SPATS2L: variants seen among roughly 807,000 people sequenced by gnomAD.
The protein encoded by SPATS2L is SPATS2-like protein.
Under a neutral mutation model 59.6 loss-of-function variants are expected in SPATS2L, and 30 were observed. That is an observed-to-expected ratio of 0.50 (90% CI 0.38 to 0.68). The LOEUF is 0.68. Ranked by LOEUF, SPATS2L falls within the 30% of genes least tolerant of loss-of-function variation. The pLI, the probability that SPATS2L is intolerant of heterozygous loss-of-function variation, is 0.00. For missense variants in SPATS2L, 615 were observed against 700.0 expected (o/e 0.88, Z 1.37); for synonymous variants, 252 against 263.5 (o/e 0.96, Z 0.42).
chr2:200,389,687 G>A (rs1359792729), intron 3 of SPATS2L: 1 of 163,110 alleles, frequency 6.1e-6, no homozygotes, highest in African/African-American at 2.4e-5. Context: ...CTAAGAGCAA[G>A]GGTATTATAT....
chr2:200,477,299 C>T (rs1187512762), intron 12 of SPATS2L, among the ~76,000 whole-genome samples: 1 of 152,086 alleles, frequency 6.6e-6, no homozygotes, highest in East Asian at 1.9e-4. Flanking sequence ...ATCATCATTA[C>T]TCTGCCCCTG....
At chr2:200,354,240 A>C (rs1193613077) in intron 2 of SPATS2L, among the ~76,000 whole-genome samples, 3 of 152,216 alleles carry the variant, frequency 2.0e-5, no homozygotes, top group Non-Finnish European at 2.9e-5. Flanking sequence ...TCATACAATG[A>C]GATGACTTTA....
chr2:200,458,204 G>A (rs922073205), intron 8 of SPATS2L, among the ~76,000 whole-genome samples: 2 of 152,074 alleles, frequency 1.3e-5, no homozygotes. Flanking sequence ...AGAATTCCAG[G>A]AAATAAGAAA....
At chr2:200,361,239 G>T (rs1413104733) in intron 2 of SPATS2L, among the ~76,000 whole-genome samples, 1 of 152,088 alleles carries the variant, frequency 6.6e-6, no homozygotes, top group Non-Finnish European at 1.5e-5. Context: ...AAAGTTTATT[G>T]CTTCTCATGT....
At chr2:200,468,427 A>ACACAGCTGC (rs2106222077) in intron 10 of SPATS2L, among the ~76,000 whole-genome samples, 1 of 147,154 alleles carries the variant, frequency 6.8e-6, no homozygotes, top group Non-Finnish European at 1.5e-5. Flanking sequence ...TGGTTGCAAG[A>ACACAGCTGC]CACAGCTGCT....
intron 8 of SPATS2L, among the ~76,000 whole-genome samples, chr2:200,451,839 T>TC (rs1259666305): frequency 2.6e-5 from 4 of 152,016 alleles, no homozygotes; most frequent in African/African-American, 9.7e-5. Flanking sequence ...TTTCTTTTCT[T>TC]TTTTTGGAAG....
Position 200,306,703 on chromosome 2 carries a change from G to C in SPATS2L, c.-292G>C, listed in dbSNP as rs1165943826. 1 of 984,638 alleles carries C rather than the reference G, an allele frequency of 1.0e-6. No individual in the cohort carries two copies. The highest frequency in any genetic ancestry group is 1.2e-6 in the Non-Finnish European group (1 of 829,696). The allele number at this position is 984,638 out of a possible 1,614,324, so 61.0% of individuals were successfully genotyped here. A position where few individuals can be genotyped will look rare whatever the true frequency, so the allele number is the denominator to read the frequency against. On this transcript the variant is annotated 5_prime_UTR_variant, in exon 1 of 13. Transcript: ENST00000409140. ...GGGCGGCCGAGCCGGAGTTGTGTCA[G>C]TGAAGGAATCCAGTCCGGGGGCCGA...
intron 1 of SPATS2L, among the ~76,000 whole-genome samples, chr2:200,325,982 A>C (rs1032118049): frequency 1.3e-5 from 2 of 152,170 alleles, no homozygotes; most frequent in Non-Finnish European, 2.9e-5. Context: ...TTCACCTCTC[A>C]CAGGCAAAAT....
chr2:200,316,817 C>T (rs1029944468), intron 1 of SPATS2L, among the ~76,000 whole-genome samples: 1 of 152,116 alleles, frequency 6.6e-6, no homozygotes, highest in Non-Finnish European at 1.5e-5. Context: ...TGAGAACTAC[C>T]AGCAAGGGTC....
At chr2:200,374,624 C>T (rs2081538951) in intron 2 of SPATS2L, among the ~76,000 whole-genome samples, 1 of 152,000 alleles carries the variant, frequency 6.6e-6, no homozygotes, top group South Asian at 2.1e-4. Flanking sequence ...AGGAGGAGCA[C>T]ACTCAAAGGA....
At chr2:200,377,346 C>T (rs961091952) in intron 2 of SPATS2L, among the ~76,000 whole-genome samples, 7 of 152,108 alleles carry the variant, frequency 4.6e-5, no homozygotes, top group Non-Finnish European at 8.8e-5. Context: ...GTTTACTCTG[C>T]GAGATTACTT....
chr2:200,468,664 A>ACACTAGTC (rs2086802667), intron 10 of SPATS2L, among the ~76,000 whole-genome samples: 1 of 152,132 alleles, frequency 6.6e-6, no homozygotes, highest in African/African-American at 2.4e-5. Context: ...AGTGGCCTCC[A>ACACTAGTC]CACTAGTCTC....
At chr2:200,472,426 A>T (rs2087123841) in intron 11 of SPATS2L, among the ~76,000 whole-genome samples, 1 of 152,206 alleles carries the variant, frequency 6.6e-6, no homozygotes, top group Non-Finnish European at 1.5e-5. Context: ...CAGGGAACTG[A>T]TCAGGGAAGT....
At chr2:200,310,383 C>A (rs535964227) in intron 1 of SPATS2L, among the ~76,000 whole-genome samples, 25 of 152,316 alleles carry the variant, frequency 1.6e-4, no homozygotes, top group Non-Finnish European at 2.8e-4. Flanking sequence ...TTAATGGTTT[C>A]TCTGAGCCAC....
intron 3 of SPATS2L, among the ~76,000 whole-genome samples, chr2:200,392,859 T>C (rs973591441): frequency 1.3e-5 from 2 of 152,214 alleles, no homozygotes; most frequent in Admixed American, 1.3e-4. Flanking sequence ...AATCCACTGC[T>C]GAACGATTAC....
At chr2:200,307,142 T>C (rs2079045617) in intron 1 of SPATS2L, among the ~76,000 whole-genome samples, 1 of 150,710 alleles carries the variant, frequency 6.6e-6, no homozygotes, top group East Asian at 2.0e-4. Flanking sequence ...CCGTCCTTCC[T>C]TTCTCCAGCC....
At position 200,396,930 on chromosome 2, in the gene SPATS2L, G is replaced by C. The variant is rs562312908; in HGVS notation, c.39+7647G>C. ...ACAGAAAGGAGAAACATTGACAATA[G>C]TTGTTGCCTAATGCTTATGTACAGA... On this transcript the variant is annotated intron_variant, in intron 3 of 12. Coordinates refer to ENST00000409140, the MANE Select transcript of SPATS2L (RefSeq NM_001100423.2). Among the ~76,000 whole-genome samples the C allele has an allele frequency of 2.6e-5, 4 of 152,320 alleles. No homozygotes were observed. The South Asian group carries it at 8.3e-4, about 32-fold the overall frequency.
At chr2:200,334,323 G>C (rs2080063406) in intron 2 of SPATS2L, among the ~76,000 whole-genome samples, 2 of 152,184 alleles carry the variant, frequency 1.3e-5, no homozygotes, top group South Asian at 4.1e-4. Context: ...AGAAGTGTCT[G>C]TTCATATCCT....
chr2:200,307,879 G>A (rs2079079918), intron 1 of SPATS2L, among the ~76,000 whole-genome samples: 1 of 152,190 alleles, frequency 6.6e-6, no homozygotes, highest in South Asian at 2.1e-4. Flanking sequence ...GATTCTTTCT[G>A]TACGTTTTCT....
Sources: gnomAD v4.1 joint callset for allele counts (sites outside exome capture counted in the v4.1 genomes callset) on GRCh38, gnomAD v4.1.1 for gene constraint, MANE v1.5 for transcripts, NCBI Gene and HGNC (gene_info 2026-07-23, HGNC 2026-07-21) for gene names.